The following AMMECR1 variants were observed in gnomAD, a reference collection of about 807,000 sequenced individuals.
AMMECR1 encodes nuclear protein AMMECR1.
A neutral mutation model predicts 22.5 loss-of-function variants in AMMECR1; 3 were observed. The ratio of observed to expected loss-of-function variants is 0.13; its 90% CI spans 0.06 to 0.35. The LOEUF (loss-of-function observed/expected upper bound fraction) is 0.35, where lower values mean the gene tolerates loss of function less well. Ranked by LOEUF, AMMECR1 falls within the 10% of genes least tolerant of loss-of-function variation. AMMECR1 has a pLI of 1.00. For missense variants in AMMECR1, 235 were observed against 278.7 expected, an observed-to-expected ratio of 0.84 and a Z score of 1.12; for synonymous variants, 130 against 116.7, an observed-to-expected ratio of 1.11 and a Z score of -0.74.
intron 1 of AMMECR1, among the ~76,000 whole-genome samples, chrX:110,283,316 T>C (rs1189020072): frequency 8.9e-6 from 1 of 112,318 alleles, no homozygotes; most frequent in Non-Finnish European, 1.9e-5. Flanking sequence ...GGTTCAGGAA[T>C]TTATTGAGAG....
chrX:110,393,934 A>G (rs1457324098), intron 2 of AMMECR1, among the ~76,000 whole-genome samples: 1 of 112,364 alleles, frequency 8.9e-6, no homozygotes, highest in Non-Finnish European at 1.9e-5. Flanking sequence ...TAAAGTACAC[A>G]ATGACCATAC....
intron 2 of AMMECR1, among the ~76,000 whole-genome samples, chrX:110,387,160 A>G (rs1461860770): frequency 9.0e-6 from 1 of 111,715 alleles, no homozygotes; most frequent in East Asian, 2.8e-4. Flanking sequence ...ACTGTTTTTG[A>G]GGTGAGGCAT....
intron 2 of AMMECR1, among the ~76,000 whole-genome samples, chrX:110,408,903 T>C (rs1312762988): frequency 8.9e-6 from 1 of 111,967 alleles, no homozygotes; most frequent in Non-Finnish European, 1.9e-5. Context: ...AACTTATGCG[T>C]GTAGGTAGGT....
chrX:110,405,339 C>G (rs1223125658), intron 2 of AMMECR1, among the ~76,000 whole-genome samples: 1 of 111,684 alleles, frequency 9.0e-6, no homozygotes, highest in East Asian at 2.8e-4. Flanking sequence ...GCCTCAATGG[C>G]TGAAAGGAGC....
chrX:110,370,043 G>A (rs2148260608), intron 2 of AMMECR1, among the ~76,000 whole-genome samples: 1 of 110,983 alleles, frequency 9.0e-6, no homozygotes, highest in East Asian at 2.8e-4. Context: ...GTCTGAATCT[G>A]CCTTCCTGAA....
intron 2 of AMMECR1, among the ~76,000 whole-genome samples, chrX:110,260,720 A>T (rs2067736418): frequency 9.0e-6 from 1 of 111,605 alleles, no homozygotes; most frequent in Non-Finnish European, 1.9e-5. Flanking sequence ...GGGTACTCAA[A>T]CAGATATTTT....
intron 1 of AMMECR1, among the ~76,000 whole-genome samples, chrX:110,272,489 A>G (rs190326189): frequency 8.9e-6 from 1 of 112,096 alleles, no homozygotes; most frequent in African/African-American, 3.2e-5. Context: ...CAAAACAATG[A>G]AAACAGTTAA....
chrX:110,279,508 GCT>G (rs2067842047), intron 1 of AMMECR1, among the ~76,000 whole-genome samples: 1 of 111,664 alleles, frequency 9.0e-6, no homozygotes, highest in South Asian at 3.7e-4. Flanking sequence ...ATAAAAGGTA[GCT>G]CTCTTTCCCT....
At chrX:110,254,978 CT>C (rs1244105344) in intron 2 of AMMECR1, among the ~76,000 whole-genome samples, 2 of 111,854 alleles carry the variant, frequency 1.8e-5, no homozygotes, top group Non-Finnish European at 3.8e-5. Context: ...CAGTGTCTGT[CT>C]GTTCAGAGGT....
At chrX:110,308,149 T>C (rs1253885517) in intron 1 of AMMECR1, among the ~76,000 whole-genome samples, 1 of 111,631 alleles carries the variant, frequency 9.0e-6, no homozygotes, top group Non-Finnish European at 1.9e-5. Flanking sequence ...AGTGTTGGGA[T>C]TACAGGCGTG....
At chrX:110,212,092 C>T (rs1027578149) in intron 3 of AMMECR1, among the ~76,000 whole-genome samples, 1 of 112,100 alleles carries the variant, frequency 8.9e-6, no homozygotes, top group African/African-American at 3.2e-5. Flanking sequence ...GCTCCTAAAA[C>T]AAGGTCTAAA....
At position 110,348,786 on chromosome X, in the gene AMMECR1, A is replaced by G. The variant is rs1042370473; in HGVS notation, c.-147-30937T>C. ...GTATAATTCACATTTATGTATATGC[A>G]TAGAAAAAGGTCTGGATGGATATAA... On this transcript the variant is annotated intron_variant, in intron 2 of 7. Transcript: ENST00000372057. Among the ~76,000 whole-genome samples, 4 of 112,460 alleles carry G rather than the reference A, an allele frequency of 3.6e-5. No homozygotes were observed. The East Asian group carries it at 8.2e-4, about 23-fold the overall frequency.
chrX:110,201,160 T>C, intron 4 of AMMECR1, 110 bp from the exon 5 acceptor site: 1 of 441,763 alleles, frequency 2.3e-6, no homozygotes, highest in Non-Finnish European at 3.8e-6. Context: ...CCAAATGCCA[T>C]CAAATCTTTT....
At chrX:110,380,994 A>G (rs2068414699) in intron 2 of AMMECR1, among the ~76,000 whole-genome samples, 1 of 112,438 alleles carries the variant, frequency 8.9e-6, no homozygotes. Flanking sequence ...AAAACTCCAG[A>G]AGGAAACCTG....
At chrX:110,366,543 C>T (rs940131309) in intron 2 of AMMECR1, among the ~76,000 whole-genome samples, 3 of 111,576 alleles carry the variant, frequency 2.7e-5, no homozygotes, top group Non-Finnish European at 3.8e-5. Context: ...AGAACAATTA[C>T]GTGCTAAACT....
intron 1 of AMMECR1, among the ~76,000 whole-genome samples, chrX:110,313,842 G>A (rs1379294831): frequency 9.0e-6 from 1 of 111,571 alleles, no homozygotes; most frequent in Non-Finnish European, 1.9e-5. Context: ...AAAGCATAGT[G>A]ACACAGAAGC....
chrX:110,400,890 C>T (rs774968787), intron 2 of AMMECR1, among the ~76,000 whole-genome samples: 2 of 111,801 alleles, frequency 1.8e-5, no homozygotes, highest in East Asian at 5.6e-4. Context: ...AATGAATGCT[C>T]CCAGTTCTTC....
chrX:110,261,632 C>T (rs1052203355), intron 2 of AMMECR1, among the ~76,000 whole-genome samples: 1 of 111,610 alleles, frequency 9.0e-6, no homozygotes, highest in African/African-American at 3.3e-5. Context: ...TTTCTTCTGT[C>T]TGCTCTATAC....
At chrX:110,286,001 C>A (rs763831899) in intron 1 of AMMECR1, among the ~76,000 whole-genome samples, 1 of 111,733 alleles carries the variant, frequency 8.9e-6, no homozygotes, top group Non-Finnish European at 1.9e-5. Flanking sequence ...GTGGGAGATA[C>A]AAGATGGGAG....
Sources: gnomAD v4.1 joint callset for allele counts (sites outside exome capture counted in the v4.1 genomes callset) on GRCh38, gnomAD v4.1.1 for gene constraint, MANE v1.5 for transcripts, NCBI Gene and HGNC (gene_info 2026-07-23, HGNC 2026-07-21) for gene names.